GLCCI1: variants seen among roughly 807,000 people sequenced by gnomAD.
GLCCI1 encodes the protein glucocorticoid induced 1, also known as glucocorticoid-induced transcript 1 protein.
Under a neutral mutation model 52.2 loss-of-function variants are expected in GLCCI1, and 24 were observed. The ratio of observed to expected loss-of-function variants is 0.46; its 90% CI spans 0.33 to 0.65. GLCCI1 has a LOEUF of 0.65. Among genes scored for constraint, GLCCI1 ranks in the 30% least tolerant of loss-of-function variants. GLCCI1 has a pLI of 0.02. For synonymous variants in GLCCI1, 310 were observed against 276.5 expected (o/e 1.12, Z -1.20); for missense variants, 704 against 701.5 (o/e 1.00, Z -0.04).
chr7:8,020,928 A>T (rs942252294), intron 2 of GLCCI1, among the ~76,000 whole-genome samples: 1 of 152,214 alleles, frequency 6.6e-6, no homozygotes, highest in African/African-American at 2.4e-5. Flanking sequence ...AGGACGGAAC[A>T]TAGGAAATTC....
At chr7:7,990,360 G>A (rs1056129619) in intron 1 of GLCCI1, among the ~76,000 whole-genome samples, 1 of 152,110 alleles carries the variant, frequency 6.6e-6, no homozygotes, top group South Asian at 2.1e-4. Context: ...CTGAAGCACA[G>A]TTCAATCGGT....
rs376744646 is a variant in GLCCI1 at position 8,086,365 on chromosome 7, A to G, written c.1471A>G (p.Thr491Ala). ...CTCTGGCCAGAGCTCAGCTTTGGCA[A>G]CTCTGACCGTTGAGCAGCTCTCATC... ...PNSGQSSALA[T>A]LTVEQLSSRV... Residue 491 changes from threonine (T) to alanine (A), a missense_variant, in exon 8 of 8, where the codon ACT becomes GCT. Physicochemically the swap from Thr to Ala is moderately conservative, Grantham distance 58. Around this residue, in one of 3 missense-constraint regions of GLCCI1, gnomAD observed 149 missense variants for 152.9 expected, o/e 0.97. Transcript: ENST00000223145. This position sits in a 1 kb window ranked among gnomAD's most constrained non-coding sequence, Gnocchi z 4.4. 3.1e-6 allele frequency: 5 copies of G among 1,613,844 alleles called. No individual in the cohort carries two copies. The African/African-American group carries it at 6.7e-5, about 22-fold the overall frequency.
intron 2 of GLCCI1, among the ~76,000 whole-genome samples, chr7:8,011,458 A>AGCTGTGT (rs1193287150): frequency 1.3e-5 from 2 of 152,180 alleles, no homozygotes; most frequent in Non-Finnish European, 2.9e-5. Context: ...TTGACATTGT[A>AGCTGTGT]GCTGTGTGTC....
intron 2 of GLCCI1, among the ~76,000 whole-genome samples, chr7:8,016,282 A>T (rs1781376164): frequency 6.6e-6 from 1 of 152,222 alleles, no homozygotes; most frequent in Non-Finnish European, 1.5e-5. Flanking sequence ...ATCCTGGCTA[A>T]CATGGTGAAA....
intron 1 of GLCCI1, among the ~76,000 whole-genome samples, chr7:7,974,937 T>G (rs964346932): frequency 6.6e-6 from 1 of 152,200 alleles, no homozygotes; most frequent in Admixed American, 6.5e-5. Flanking sequence ...CTGACACTCT[T>G]TTTGTGCTAC....
At chr7:8,000,615 T>TA (rs1211187736) in intron 1 of GLCCI1, among the ~76,000 whole-genome samples, 1 of 151,870 alleles carries the variant, frequency 6.6e-6, no homozygotes, top group Non-Finnish European at 1.5e-5. Flanking sequence ...ATGATACACA[T>TA]AAAAAAATCT....
intron 3 of GLCCI1, among the ~76,000 whole-genome samples, chr7:8,023,373 C>G (rs1020931842): frequency 2.0e-5 from 3 of 152,014 alleles, no homozygotes; most frequent in Non-Finnish European, 4.4e-5. Context: ...TTCTCAGAAA[C>G]TTAGTTTCTA....
chr7:7,987,085 C>G (rs1456984758), intron 1 of GLCCI1, among the ~76,000 whole-genome samples: 1 of 151,968 alleles, frequency 6.6e-6, no homozygotes, highest in Non-Finnish European at 1.5e-5. Context: ...AAAAACAAAA[C>G]AAAAAAACCC....
intron 5 of GLCCI1, among the ~76,000 whole-genome samples, chr7:8,064,126 T>G (rs1432104108): frequency 1.3e-5 from 2 of 152,202 alleles, no homozygotes; most frequent in East Asian, 3.8e-4. Flanking sequence ...ATTTGTCAAT[T>G]TTTGTTTTTG....
At position 8,086,646 on chromosome 7, in the gene GLCCI1, A is replaced by T. The variant is rs1783112509; in HGVS notation, c.*108A>T. 1 of 841,226 alleles carries T rather than the reference A, an allele frequency of 1.2e-6. No homozygotes were observed. Among genetic ancestry groups the T allele is most frequent in the Non-Finnish European group, 1.9e-6 (1 of 535,828 alleles). The allele number at this position is 841,226 out of a possible 1,614,324, so 52.1% of individuals were successfully genotyped here. A position where few individuals can be genotyped will look rare whatever the true frequency, so the allele number is the denominator to read the frequency against. On this transcript the variant is annotated 3_prime_UTR_variant, in exon 8 of 8. Coordinates refer to ENST00000223145, the MANE Select transcript of GLCCI1 (RefSeq NM_138426.4). The surrounding 1 kb of genome is among the most constrained non-coding windows in gnomAD (Gnocchi z 4.4). ...AACACCACCACCACCAATAATACTT[A>T]TCAGCATCATAAAGTATCTCTTAAA...
chr7:8,029,491 A>G (rs2127951119), intron 3 of GLCCI1, among the ~76,000 whole-genome samples: 2 of 152,246 alleles, frequency 1.3e-5, no homozygotes, highest in Middle Eastern at 6.8e-3. Flanking sequence ...TATTGTGCTG[A>G]ATAGGGAAAA....
At chr7:8,062,815 C>G (rs777075565) in intron 5 of GLCCI1, among the ~76,000 whole-genome samples, 6 of 152,184 alleles carry the variant, frequency 3.9e-5, no homozygotes, top group African/African-American at 1.4e-4. Flanking sequence ...CTTTTTATGG[C>G]TGCATAGTAT....
At chr7:8,021,452 G>A (rs921266322) in intron 2 of GLCCI1, among the ~76,000 whole-genome samples, 23 of 151,754 alleles carry the variant, frequency 1.5e-4, no homozygotes, top group Middle Eastern at 6.9e-3. Flanking sequence ...CACTCTCGTC[G>A]CCCAGGCTGG....
chr7:8,035,231 C>T (rs948702109), intron 3 of GLCCI1, among the ~76,000 whole-genome samples: 1 of 152,168 alleles, frequency 6.6e-6, no homozygotes, highest in Non-Finnish European at 1.5e-5. Flanking sequence ...GTCCTTTGCC[C>T]GAGAACTCCC....
chr7:7,970,882 T>G (rs1040674372), intron 1 of GLCCI1, among the ~76,000 whole-genome samples: 5 of 152,198 alleles, frequency 3.3e-5, no homozygotes, highest in Admixed American at 3.3e-4. Context: ...AAATCTCTGC[T>G]TGGAAGGGAA....
chr7:8,031,588 G>C (rs1329415806), intron 3 of GLCCI1, among the ~76,000 whole-genome samples: 2 of 152,066 alleles, frequency 1.3e-5, no homozygotes, highest in East Asian at 3.8e-4. Flanking sequence ...TGCTCTAGGG[G>C]ATAGATACCC....
intron 6 of GLCCI1, among the ~76,000 whole-genome samples, chr7:8,079,735 A>T (rs962647819): frequency 6.6e-6 from 1 of 151,500 alleles, no homozygotes; most frequent in Admixed American, 6.6e-5. Flanking sequence ...ATGAGAAGTG[A>T]TTACAAAATA....
intron 3 of GLCCI1, among the ~76,000 whole-genome samples, chr7:8,036,538 C>G (rs1189762167): frequency 6.6e-6 from 1 of 152,026 alleles, no homozygotes; most frequent in Non-Finnish European, 1.5e-5. Flanking sequence ...TACTAACTCT[C>G]CAGCAATAGA....
intron 3 of GLCCI1, among the ~76,000 whole-genome samples, chr7:8,050,195 A>G (rs1243069580): frequency 6.6e-6 from 1 of 152,128 alleles, no homozygotes; most frequent in Non-Finnish European, 1.5e-5. Flanking sequence ...ATGTGCTTAC[A>G]GATGACCCTC....
Sources: gnomAD v4.1 joint callset for allele counts (sites outside exome capture counted in the v4.1 genomes callset) on GRCh38, gnomAD v4.1.1 for gene constraint, gnomAD v4.1.1 regional missense constraint, Gnocchi (gnomAD v3.1) non-coding constraint, MANE v1.5 for transcripts, NCBI Gene and HGNC (gene_info 2026-07-23, HGNC 2026-07-21) for gene names.